The following MYLK variants were observed in gnomAD, a reference collection of about 807,000 sequenced individuals.
MYLK encodes myosin light chain kinase.
A neutral mutation model predicts 203.4 loss-of-function variants in MYLK; 106 were observed. The ratio of observed to expected loss-of-function variants is 0.52; its 90% CI spans 0.45 to 0.61. MYLK has a LOEUF of 0.61. MYLK is among the 20% of genes least tolerant of loss of function. The pLI is 0.00. For synonymous variants in MYLK, 867 were observed against 959.5 expected (o/e 0.90, Z 1.78); for missense variants, 2,072 against 2,442.3 (o/e 0.85, Z 3.20).
chr3:123,685,972 G>A (rs1009156678), intron 19 of MYLK, among the ~76,000 whole-genome samples: 4 of 152,206 alleles, frequency 2.6e-5, no homozygotes, highest in African/African-American at 9.7e-5. Context: ...TGTCAGCACG[G>A]TGGGGCTGTG....
chr3:123,629,314 G>C lies in MYLK; in HGVS notation c.5114+160C>G, dbSNP rs918476053. 6.6e-6 allele frequency among the ~76,000 whole-genome samples: 1 copy of C among 151,898 alleles called. No individual in the cohort carries two copies. Among genetic ancestry groups the C allele is most frequent in the Non-Finnish European group, 1.5e-5 (1 of 67,976 alleles). The stretch of plus-strand genomic sequence containing the variant: ...TCGCCTCCCCAACCCACATGCATTC[G>C]GGTCTCTTACCATGCCCACCCTCCC... On this transcript the variant is annotated intron_variant, in intron 30 of 33. Coordinates refer to ENST00000360304, the MANE Select transcript of MYLK (RefSeq NM_053025.4). The surrounding 1 kb of genome is among the most constrained non-coding windows in gnomAD (Gnocchi z 4.4).
At chr3:123,660,060 A>T (rs1389795060) in intron 23 of MYLK, among the ~76,000 whole-genome samples, 1 of 152,150 alleles carries the variant, frequency 6.6e-6, no homozygotes, top group Admixed American at 6.5e-5. Flanking sequence ...CTTCCCTGGG[A>T]CTTCAGCAGC....
chr3:123,769,753 G>C (rs1269816699), intron 4 of MYLK, among the ~76,000 whole-genome samples: 1 of 152,136 alleles, frequency 6.6e-6, no homozygotes, highest in Non-Finnish European at 1.5e-5. Flanking sequence ...ACAAAGCTTT[G>C]GCTCACTGGT....
chr3:123,690,432 C>T (rs2108507683), intron 19 of MYLK, among the ~76,000 whole-genome samples: 1 of 152,284 alleles, frequency 6.6e-6, no homozygotes, highest in East Asian at 1.9e-4. Context: ...CACAAACCCA[C>T]TGGGATCCCC....
intron 4 of MYLK, among the ~76,000 whole-genome samples, chr3:123,767,145 C>G (rs1452093719): frequency 6.6e-6 from 1 of 152,140 alleles, no homozygotes. Flanking sequence ...CTGTGATCCT[C>G]GGGGAGGAAG....
chr3:123,692,544 A>G (rs1419745206), intron 19 of MYLK, 191 bp downstream of exon 19: 4 of 772,118 alleles, frequency 5.2e-6, no homozygotes, highest in Non-Finnish European at 8.5e-6. Context: ...GATCAAGTAG[A>G]GCTGCCACTT....
chr3:123,617,209 C>G (rs1056947145), intron 33 of MYLK: 5 of 152,172 alleles, frequency 3.3e-5, no homozygotes, highest in African/African-American at 1.2e-4. Flanking sequence ...ACATAAATAT[C>G]AATGAAACAA....
chr3:123,738,084 T>C, intron 7 of MYLK, among the ~76,000 whole-genome samples: 1 of 143,412 alleles, frequency 7.0e-6, no homozygotes, highest in Non-Finnish European at 1.5e-5. Context: ...CAGCCCTGAA[T>C]GATTTATAAA....
intron 30 of MYLK, among the ~76,000 whole-genome samples, chr3:123,628,411 C>G (rs2058260070): frequency 6.6e-6 from 1 of 152,214 alleles, no homozygotes; most frequent in Non-Finnish European, 1.5e-5. Flanking sequence ...GCCCTGGAGC[C>G]AGGCCCCTCC....
In MYLK at chr3:123,750,718, T is replaced by C. The variant is rs566166576; in HGVS notation, c.373+1613A>G. On this transcript the variant is annotated intron_variant, in intron 5 of 33. Transcript: ENST00000360304. ...AACTCAGAAGAGGGAACAGGGTAAT[T>C]TTTATTTGTAGGCATCAACACAAAG... is the stretch of plus-strand genomic sequence containing the variant. Among the ~76,000 whole-genome samples, 4 of 152,302 alleles carry C rather than the reference T, an allele frequency of 2.6e-5. No homozygotes were observed. In the South Asian group the frequency reaches 8.3e-4, roughly 32 times the overall value.
rs762288574 is a variant in MYLK at position 123,725,930 on chromosome 3, C to T, written c.1651+14G>A. ...AGGGGATGGGAGCAGAGAGCTGGGG[C>T]AGGGGGAACTCACCATTCAGCAGCC... is the stretch of plus-strand genomic sequence containing the variant. On this transcript the variant is annotated intron_variant, in intron 12 of 33. Transcript: ENST00000360304. 22 of 1,612,444 alleles carry T rather than the reference C, an allele frequency of 1.4e-5. No homozygotes were observed. The highest frequency in any genetic ancestry group is 1.8e-5 in the Non-Finnish European group (21 of 1,179,000).
chr3:123,730,378 C>G (rs1302507969), intron 11 of MYLK, among the ~76,000 whole-genome samples: 1 of 152,164 alleles, frequency 6.6e-6, no homozygotes, highest in African/African-American at 2.4e-5. Flanking sequence ...TCCAGAATTA[C>G]CTTATGACCC....
chr3:123,737,170 G>A (rs1560152752), intron 8 of MYLK: 6 of 586,754 alleles, frequency 1.0e-5, no homozygotes, highest in South Asian at 2.0e-5. Context: ...AGTGAGCTGA[G>A]GTCATGTCAC....
rs528080167 is a variant in MYLK at position 123,692,443 on chromosome 3, CCCCAGCTT to C, written c.3565+284_3565+291del. ...GGTGTGTCTTTTCTACTGCCCAGTG[CCCCAGCTT>C]CCCAGCTCAGAAGGTTCTGGGTGTG... On this transcript the variant is annotated intron_variant, in intron 19 of 33. Coordinates refer to ENST00000360304, the MANE Select transcript of MYLK (RefSeq NM_053025.4). 284 of 1,213,056 alleles carry C rather than the reference CCCCAGCTT, an allele frequency of 2.3e-4. 1 individual carries two copies. In the Admixed American group the frequency reaches 3.2e-3, roughly 14 times the overall value. The allele number at this position is 1,213,056 out of a possible 1,614,324, so 75.1% of individuals were successfully genotyped here. A position where few individuals can be genotyped will look rare whatever the true frequency, so the allele number is the denominator to read the frequency against.
chr3:123,619,961 G>T (rs1383333107), intron 32 of MYLK, among the ~76,000 whole-genome samples: 1 of 152,026 alleles, frequency 6.6e-6, no homozygotes, highest in Non-Finnish European at 1.5e-5. Context: ...CATAGCTGAG[G>T]TCATCTAGTT....
At chr3:123,869,573 G>T (rs1005257262) in intron 2 of MYLK, among the ~76,000 whole-genome samples, 2 of 152,040 alleles carry the variant, frequency 1.3e-5, no homozygotes, top group Non-Finnish European at 2.9e-5. Context: ...GCAGGAAAAG[G>T]GGACCAGCAC....
At chr3:123,679,462 G>A (rs955054695) in intron 20 of MYLK, among the ~76,000 whole-genome samples, 2 of 152,128 alleles carry the variant, frequency 1.3e-5, no homozygotes, top group Non-Finnish European at 1.5e-5. Flanking sequence ...GTGCAGGGGT[G>A]CAAGCAGGTG....
intron 12 of MYLK, among the ~76,000 whole-genome samples, chr3:123,723,639 G>A (rs375249767): frequency 5.1e-4 from 78 of 152,356 alleles, no homozygotes; most frequent in African/African-American, 1.8e-3. Flanking sequence ...GAAAGGAGCT[G>A]TTGGCTCAGG....
chr3:123,653,584 G>A (rs1486849901), intron 24 of MYLK, among the ~76,000 whole-genome samples: 1 of 152,170 alleles, frequency 6.6e-6, no homozygotes, highest in Non-Finnish European at 1.5e-5. Flanking sequence ...CAGCAGGGGA[G>A]GGGAGTCTGA....
Sources: allele counts gnomAD v4.1 joint callset (sites outside exome capture counted in the v4.1 genomes callset), GRCh38; gene constraint gnomAD v4.1.1; non-coding constraint Gnocchi (gnomAD v3.1); transcripts MANE v1.5; gene names NCBI Gene and HGNC (gene_info 2026-07-23, HGNC 2026-07-21).